Variants in KIAA1217 observed in about 807,000 individuals in gnomAD.
KIAA1217 encodes KIAA1217.
Under a neutral mutation model 163.9 loss-of-function variants are expected in KIAA1217, and 88 were observed. The observed-to-expected ratio is 0.54, with a 90% CI of 0.45 to 0.64. The LOEUF (loss-of-function observed/expected upper bound fraction) is 0.64. Among genes scored for constraint, KIAA1217 ranks in the 30% least tolerant of loss-of-function variants. The pLI, the probability that KIAA1217 is intolerant of heterozygous loss-of-function variation, is 0.00. For missense variants in KIAA1217, 2,372 were observed against 2,475.0 expected (o/e 0.96, Z 0.88); for synonymous variants, 903 against 923.1 (o/e 0.98, Z 0.39).
chr10:23,713,444 G>A (rs1215496353), intron 1 of KIAA1217, among the ~76,000 whole-genome samples: 6 of 152,044 alleles, frequency 3.9e-5, no homozygotes, highest in Non-Finnish European at 8.8e-5. Context: ...GGACCAAAAT[G>A]TTCTTCTCTA....
At chr10:23,751,346 A>G (rs762499424) in intron 1 of KIAA1217, among the ~76,000 whole-genome samples, 29 of 152,132 alleles carry the variant, frequency 1.9e-4, no homozygotes, top group Non-Finnish European at 3.7e-4. Context: ...CTACAATACC[A>G]TGTGAGGTGT....
intron 1 of KIAA1217, among the ~76,000 whole-genome samples, chr10:23,956,954 G>T (rs1237911768): frequency 6.6e-6 from 1 of 151,948 alleles, no homozygotes; most frequent in Non-Finnish European, 1.5e-5. Flanking sequence ...AATTTGGAGG[G>T]GACACCCATC....
At chr10:24,109,163 G>T (rs1366134206) in intron 2 of KIAA1217, among the ~76,000 whole-genome samples, 2 of 152,078 alleles carry the variant, frequency 1.3e-5, no homozygotes, top group Admixed American at 6.6e-5. Context: ...CACTTTATTT[G>T]TCACTCCTTT....
chr10:24,272,000 A>G (rs2076815254), intron 2 of KIAA1217, among the ~76,000 whole-genome samples: 1 of 152,148 alleles, frequency 6.6e-6, no homozygotes, highest in African/African-American at 2.4e-5. Context: ...GAGAGACCAA[A>G]GCCCATGGGA....
rs748960254 is a variant in KIAA1217, at chr10:24,473,636, G to A, written c.1255G>A (p.Asp419Asn). 17 of 1,614,038 alleles carry A rather than the reference G, an allele frequency of 1.1e-5. No homozygotes were observed. Among genetic ancestry groups the A allele is most frequent in the Admixed American group, 3.3e-5 (2 of 60,010 alleles). ...SHGGHPLDVPDHIIAYHRTAI... is the reference protein window; with the variant it reads ...SHGGHPLDVPNHIIAYHRTAI... ...TGGTGGACACCCACTGGATGTCCCC[G>A]ACCACATCATTGCATATCACCGCAC... Residue 419 changes from aspartate to asparagine, a missense_variant, in exon 6 of 21, where the codon GAC becomes AAC. By Grantham distance (23) the Asp-to-Asn change is conservative. Transcript: ENST00000376454.
chr10:24,314,379 C>T (rs1282867750), intron 2 of KIAA1217, among the ~76,000 whole-genome samples: 1 of 152,156 alleles, frequency 6.6e-6, no homozygotes, highest in Non-Finnish European at 1.5e-5. Flanking sequence ...AGAAGAATAA[C>T]CCCTCAGCTC....
At chr10:23,984,503 G>T (rs1361268074) in intron 1 of KIAA1217, among the ~76,000 whole-genome samples, 1 of 152,040 alleles carries the variant, frequency 6.6e-6, no homozygotes, top group Non-Finnish European at 1.5e-5. Flanking sequence ...GCAAAAACTT[G>T]GAACCAACCC....
chr10:24,181,651 A>C (rs1316509397), intron 2 of KIAA1217, among the ~76,000 whole-genome samples: 4 of 152,222 alleles, frequency 2.6e-5, no homozygotes, highest in Non-Finnish European at 4.4e-5. Flanking sequence ...AAAAATAATT[A>C]AGGGACATAA....
At chr10:23,718,970 C>T (rs1209354626) in intron 1 of KIAA1217, among the ~76,000 whole-genome samples, 1 of 152,026 alleles carries the variant, frequency 6.6e-6, no homozygotes, top group East Asian at 1.9e-4. Flanking sequence ...GCACAATAAA[C>T]CTGTGTTTGT....
At chr10:24,201,837 G>A (rs2067271467) in intron 2 of KIAA1217, among the ~76,000 whole-genome samples, 1 of 152,174 alleles carries the variant, frequency 6.6e-6, no homozygotes, top group African/African-American at 2.4e-5. Flanking sequence ...TGAAGAAGTT[G>A]GAGGCATGGC....
intron 1 of KIAA1217, among the ~76,000 whole-genome samples, chr10:23,932,441 A>C (rs1843296311): frequency 6.6e-6 from 1 of 151,776 alleles, no homozygotes; most frequent in Admixed American, 6.6e-5. Flanking sequence ...AACTTTAGAG[A>C]TTTGTGAAAA....
chr10:24,090,168 T>TC (rs1374065401), intron 2 of KIAA1217, among the ~76,000 whole-genome samples: 5 of 137,474 alleles, frequency 3.6e-5, no homozygotes, highest in Middle Eastern at 3.6e-3. Context: ...CTTTTTCTTT[T>TC]TTTTTTTTTT....
At chr10:23,699,926 C>T (rs1249432656) in intron 1 of KIAA1217, among the ~76,000 whole-genome samples, 2 of 152,208 alleles carry the variant, frequency 1.3e-5, no homozygotes, top group African/African-American at 2.4e-5. Flanking sequence ...ACCTAGCATA[C>T]TGTTTGGCAC....
intron 1 of KIAA1217, among the ~76,000 whole-genome samples, chr10:23,778,303 A>G (rs1588781038): frequency 6.6e-6 from 1 of 152,168 alleles, no homozygotes; most frequent in African/African-American, 2.4e-5. Context: ...TTTTTATTTC[A>G]TAATTTGAAC....
At chr10:23,841,368 C>T (rs899421382) in intron 1 of KIAA1217, among the ~76,000 whole-genome samples, 1 of 152,164 alleles carries the variant, frequency 6.6e-6, no homozygotes, top group Non-Finnish European at 1.5e-5. Context: ...GAGTAACTGT[C>T]ATTGCTGGGT....
At chr10:24,524,909 C>T (rs2071856713) in intron 13 of KIAA1217, 145 bp downstream of exon 13, 3 of 757,288 alleles carry the variant, frequency 4.0e-6, no homozygotes, top group Middle Eastern at 3.3e-4. Context: ...GATTCAGTGG[C>T]CAGGTTAAGA....
chr10:23,852,397 A>T (rs1176229886), intron 1 of KIAA1217, among the ~76,000 whole-genome samples: 3 of 152,308 alleles, frequency 2.0e-5, no homozygotes, highest in Non-Finnish European at 2.9e-5. Context: ...TACCAGTACC[A>T]TGCCGTTTTG....
rs189527504 is a variant in KIAA1217, at chr10:24,426,253, A to G, written c.554-6742A>G. Reference sequence around the variant, plus strand: ...AACTAAAGGTATCTGAGCGTCTACTAGGTACCTAACTCTGTACTCTATCTT... The same window carrying G: ...AACTAAAGGTATCTGAGCGTCTACTGGGTACCTAACTCTGTACTCTATCTT... On this transcript the variant is annotated intron_variant, in intron 3 of 20. Coordinates refer to ENST00000376454, the MANE Select transcript of KIAA1217 (RefSeq NM_019590.5). Among the ~76,000 whole-genome samples, 190 of 152,340 alleles carry G rather than the reference A, an allele frequency of 1.2e-3. 1 individual carries two copies. Among genetic ancestry groups the G allele is most frequent in the African/African-American group, 4.3e-3 (180 of 41,578 alleles).
At chr10:24,436,745 G>A (rs1380049915) in intron 4 of KIAA1217, among the ~76,000 whole-genome samples, 8 of 107,674 alleles carry the variant, frequency 7.4e-5, no homozygotes, top group East Asian at 3.3e-4. Context: ...GCGACAGAGT[G>A]AGACTCCGTC....
Sources: allele counts gnomAD v4.1 joint callset (sites outside exome capture counted in the v4.1 genomes callset), GRCh38; gene constraint gnomAD v4.1.1; transcripts MANE v1.5; gene names NCBI Gene and HGNC (gene_info 2026-07-23, HGNC 2026-07-21).